Variants in SGSM2 observed in about 807,000 individuals in gnomAD.
SGSM2 encodes the protein RUN and TBC1 domain containing 1.
SGSM2 carries 89 observed loss-of-function variants against 126.6 expected under a neutral mutation model. The ratio of observed to expected loss-of-function variants is 0.70; its 90% confidence interval spans 0.59 to 0.84. SGSM2 has a LOEUF of 0.84. Ranked by LOEUF, SGSM2 falls within the 40% of genes least tolerant of loss-of-function variation. The pLI, the probability that SGSM2 is intolerant of heterozygous loss-of-function variation, is 0.00. For synonymous variants in SGSM2, 614 were observed against 574.3 expected (o/e 1.07, Z -0.99); for missense variants, 1,404 against 1,416.6 (o/e 0.99, Z 0.14).
rs2064466798 is a variant in SGSM2 at position 2,343,542 on chromosome 17, C to T, written c.58-3C>T. 6.2e-7 allele frequency: 1 copy of T among 1,614,036 alleles called. No homozygotes were observed. The highest frequency in any genetic ancestry group is 8.5e-7 in the Non-Finnish European group (1 of 1,179,918). On this transcript the variant is annotated splice_region_variant and splice_polypyrimidine_tract_variant and intron_variant, in intron 1 of 23. Transcript: ENST00000268989. ...AGCAGTGATGCTGTCCATGTGTCCG[C>T]AGGTGAAGCAAATCATGGAGGAGGC... is the stretch of plus-strand genomic sequence containing the variant.
chr17:2,349,826 C>T (rs547015063), intron 2 of SGSM2, among the ~76,000 whole-genome samples: 3 of 148,078 alleles, frequency 2.0e-5, no homozygotes, highest in African/African-American at 5.0e-5. Context: ...CTCCCTCTGT[C>T]GCCCAGGCTG....
intron 1 of SGSM2, among the ~76,000 whole-genome samples, chr17:2,342,200 G>A (rs544271985): frequency 8.0e-5 from 12 of 149,996 alleles, no homozygotes; most frequent in East Asian, 2.0e-4. Flanking sequence ...GTGGATCACC[G>A]AGGTCAGGAG....
chr17:2,372,326 A>G lies in SGSM2; in HGVS notation c.1643-17A>G. 3 of 1,602,724 alleles carry G rather than the reference A, an allele frequency of 1.9e-6. No homozygotes were observed. The highest frequency in any genetic ancestry group is 2.6e-6 in the Non-Finnish European group (3 of 1,175,004). The stretch of plus-strand genomic sequence containing the variant: ...CCTGGGTCCCAGCCTCCTGCTGCCC[A>G]CCGCTGCCCACCGCAGGGCTGGCAC... On this transcript the variant is annotated splice_polypyrimidine_tract_variant and intron_variant, in intron 14 of 23. Coordinates refer to ENST00000268989, the MANE Select transcript of SGSM2 (RefSeq NM_014853.3). The surrounding 1 kb of genome is among the most constrained non-coding windows in gnomAD (Gnocchi z 6.0).
At position 2,372,660 on chromosome 17, in the gene SGSM2, AG is replaced by A; in HGVS notation, c.1788+177del. The stretch of plus-strand genomic sequence containing the variant: ...AGCTGGGCCTGGGGCTGACACGGGA[AG>A]GGGGCTGGACTGGGAAGCCGTCCTG... On this transcript the variant is annotated intron_variant, in intron 15 of 23. Transcript: ENST00000268989. This position sits in a 1 kb window ranked among gnomAD's most constrained non-coding sequence, Gnocchi z 6.0. 1 of 995,976 alleles carries A rather than the reference AG, an allele frequency of 1.0e-6. No homozygotes were observed. Among genetic ancestry groups the A allele is most frequent in the Non-Finnish European group, 1.5e-6 (1 of 671,094 alleles). The allele number at this position is 995,976 out of a possible 1,614,324, so 61.7% of individuals were successfully genotyped here. A position where few individuals can be genotyped will look rare whatever the true frequency, so the allele number is the denominator to read the frequency against.
intron 2 of SGSM2, among the ~76,000 whole-genome samples, chr17:2,353,988 A>G (rs1207841255): frequency 8.3e-6 from 1 of 120,170 alleles, no homozygotes; most frequent in South Asian, 3.0e-4. Flanking sequence ...AGCTCACTGC[A>G]ACCTCCTGGG....
At chr17:2,340,263 T>C (rs571867282) in intron 1 of SGSM2, among the ~76,000 whole-genome samples, 3 of 152,040 alleles carry the variant, frequency 2.0e-5, no homozygotes, top group South Asian at 4.1e-4. Flanking sequence ...TACAGGCACA[T>C]GCCACCACAC....
Position 2,364,093 on chromosome 17 carries a change from C to A in SGSM2, c.842C>A (p.Ser281Tyr). 6.2e-7 allele frequency: 1 copy of A among 1,614,066 alleles called. No homozygotes were observed. The highest frequency in any genetic ancestry group is 8.5e-7 in the Non-Finnish European group (1 of 1,180,022). Reference protein sequence around the residue: ...EDMEAVPGYLSLHQSAESLTL... With the variant: ...EDMEAVPGYLYLHQSAESLTL... ...ATGGAGGCGGTCCCTGGCTACCTCT[C>A]CCTGCACCAGTCTGCAGAGAGCCTG... The change falls in exon 8 of 24, where the codon TCC (serine) becomes TAC (tyrosine). Residue 281 changes from serine (S) to tyrosine (Y), a missense_variant. Transcript: ENST00000268989.
At position 2,337,707 on chromosome 17, in the gene SGSM2, G is replaced by T; in HGVS notation, c.19G>T (p.Ala7Ser). 6.5e-7 allele frequency: 1 copy of T among 1,538,526 alleles called. No individual in the cohort carries two copies. Among genetic ancestry groups the T allele is most frequent in the Admixed American group, 1.9e-5 (1 of 53,054 alleles). The change falls in exon 1 of 24, where the codon GCA (alanine) becomes TCA (serine). Residue 7 changes from alanine to serine, a missense_variant. Transcript: ENST00000268989. This position sits in a 1 kb window ranked among gnomAD's most constrained non-coding sequence, Gnocchi z 5.1. MGSAEDAVKEKLLWNVK... is the reference protein window; with the variant it reads MGSAEDSVKEKLLWNVK... Reference sequence around the variant, plus strand: ...CCACACCATGGGCAGCGCAGAGGACGCAGTCAAAGAGAAACTGCTGTGGAA... The same window carrying T: ...CCACACCATGGGCAGCGCAGAGGACTCAGTCAAAGAGAAACTGCTGTGGAA...
intron 2 of SGSM2, among the ~76,000 whole-genome samples, chr17:2,349,351 G>A (rs193063597): frequency 1.6e-3 from 248 of 150,382 alleles, no homozygotes; most frequent in Non-Finnish European, 2.8e-3. Context: ...CTCCAGCCTG[G>A]GCGACAGAGC....
intron 2 of SGSM2, among the ~76,000 whole-genome samples, chr17:2,360,924 G>C (rs2065282372): frequency 6.6e-6 from 1 of 152,158 alleles, no homozygotes; most frequent in African/African-American, 2.4e-5. Flanking sequence ...CTGTTAGTTT[G>C]GCCCAATCAT....
At chr17:2,365,595 T>C (rs1597365288) in intron 11 of SGSM2, among the ~76,000 whole-genome samples, 1 of 152,176 alleles carries the variant, frequency 6.6e-6, no homozygotes, top group Non-Finnish European at 1.5e-5. Flanking sequence ...TAGGCGTCAC[T>C]ACACAAGACT....
chr17:2,361,274 C>T (rs1056645903), intron 2 of SGSM2, among the ~76,000 whole-genome samples: 7 of 152,208 alleles, frequency 4.6e-5, no homozygotes, highest in African/African-American at 1.4e-4. Context: ...GAAAGGCTCC[C>T]GAGTCGGGTG....
At chr17:2,343,709 G>C in intron 2 of SGSM2, 89 bp downstream of exon 2, 4 of 1,127,564 alleles carry the variant, frequency 3.5e-6, no homozygotes, top group Admixed American at 2.0e-5. Flanking sequence ...CTCAGGTGCA[G>C]TAGCTCTCAA....
intron 2 of SGSM2, among the ~76,000 whole-genome samples, chr17:2,345,392 C>G (rs563821290): frequency 2.2e-4 from 33 of 151,294 alleles, no homozygotes; most frequent in Admixed American, 1.1e-3. Context: ...GTCAGGAGAT[C>G]GAGACCATCC....
At chr17:2,361,184 C>G (rs1279931026) in intron 2 of SGSM2, among the ~76,000 whole-genome samples, 1 of 152,236 alleles carries the variant, frequency 6.6e-6, no homozygotes, top group Non-Finnish European at 1.5e-5. Context: ...CTGTCGGGTC[C>G]AAGCTCTGCA....
chr17:2,363,979 G>T lies in SGSM2; in HGVS notation c.808-80G>T. On this transcript the variant is annotated intron_variant, in intron 7 of 23. Coordinates refer to ENST00000268989, the MANE Select transcript of SGSM2 (RefSeq NM_014853.3). The surrounding 1 kb of genome is among the most constrained non-coding windows in gnomAD (Gnocchi z 4.2). Reference sequence around the variant, plus strand: ...CCTAGCTTGGCCTCCCCTCCTCCCAGCGGGAGCTCATTTCTCATAGGCCAT... The same window carrying T: ...CCTAGCTTGGCCTCCCCTCCTCCCATCGGGAGCTCATTTCTCATAGGCCAT... The T allele has an allele frequency of 6.3e-7, 1 of 1,584,676 alleles. No individual in the cohort carries two copies. Among genetic ancestry groups the T allele is most frequent in the Non-Finnish European group, 8.7e-7 (1 of 1,155,992 alleles).
rs201474576 is a variant in SGSM2 at position 2,367,397 on chromosome 17, C to A, written c.1415C>A (p.Pro472Gln). 1 of 1,613,704 alleles carries A rather than the reference C, an allele frequency of 6.2e-7. No homozygotes were observed. The highest frequency in any genetic ancestry group is 8.5e-7 in the Non-Finnish European group (1 of 1,179,838). ...TCGCGGAACCTCACAGCTCCCAATC[C>A]GATGAAAGGTTCTTATCCCTCCCTC... Reference protein sequence around the residue: ...ICSRNLTAPNPMKDAGDMIEM... With the variant: ...ICSRNLTAPNQMKDAGDMIEM... The change falls in exon 12 of 24, where the codon CCG becomes CAG. Residue 472 changes from proline to glutamine, a missense_variant. Transcript: ENST00000268989. This position sits in a 1 kb window ranked among gnomAD's most constrained non-coding sequence, Gnocchi z 4.0.
chr17:2,372,132 C>T lies in SGSM2; in HGVS notation c.1578-58C>T. On this transcript the variant is annotated intron_variant, in intron 13 of 23. Coordinates refer to ENST00000268989, the MANE Select transcript of SGSM2 (RefSeq NM_014853.3). The surrounding 1 kb of genome is among the most constrained non-coding windows in gnomAD (Gnocchi z 6.0). Reference sequence around the variant, plus strand: ...CAGGACAGAGCCTCCTCCCTTCTCTCTCTCCTCCCACCAGAGGGGCCGCAG... The same window carrying T: ...CAGGACAGAGCCTCCTCCCTTCTCTTTCTCCTCCCACCAGAGGGGCCGCAG... The T allele has an allele frequency of 6.3e-7, 1 of 1,598,382 alleles. No individual in the cohort carries two copies. The highest frequency in any genetic ancestry group is 8.6e-7 in the Non-Finnish European group (1 of 1,168,314).
In SGSM2 at chr17:2,372,280, G is replaced by A. The variant is rs2065907175; in HGVS notation, c.1642+26G>A. ...GTGAGTGTGGGGCGCGCCGGGCTGTGGCGGGCTGGGGGCGGGCGGCCCTGG... is the reference window on the plus strand; with the variant it reads ...GTGAGTGTGGGGCGCGCCGGGCTGTAGCGGGCTGGGGGCGGGCGGCCCTGG... On this transcript the variant is annotated intron_variant, in intron 14 of 23. Transcript: ENST00000268989. This position sits in a 1 kb window ranked among gnomAD's most constrained non-coding sequence, Gnocchi z 6.0. 2 of 1,612,010 alleles carry A rather than the reference G, an allele frequency of 1.2e-6. No homozygotes were observed. The highest frequency in any genetic ancestry group is 4.5e-5 in the East Asian group (2 of 44,844).
Sources: gnomAD v4.1 joint callset for allele counts (sites outside exome capture counted in the v4.1 genomes callset) on GRCh38, gnomAD v4.1.1 for gene constraint, Gnocchi (gnomAD v3.1) non-coding constraint, MANE v1.5 for transcripts, NCBI Gene and HGNC (gene_info 2026-07-23, HGNC 2026-07-21) for gene names.